SLC71A1: variants seen among roughly 807,000 people sequenced by gnomAD.
SLC71A1 encodes solute carrier family 71 member 1, also known as hippocampus abundant gene transcript 1.
the SLC71A1 span, among the ~76,000 whole-genome samples, chr1:100,080,920 A>G: frequency 6.6e-6 from 1 of 152,174 alleles, no homozygotes; most frequent in Non-Finnish European, 1.5e-5. Context: ...TCTCTTTACT[A>G]CTAGTCTCTT....
chr1:100,038,271 C>T, the SLC71A1 span: 89 of 1,561,316 alleles, frequency 5.7e-5, no homozygotes, highest in Non-Finnish European at 7.4e-5. Flanking sequence ...CCGCGAACCG[C>T]AGTATCATGC....
At chr1:100,043,916 G>T in the SLC71A1 span, among the ~76,000 whole-genome samples, 1 of 152,144 alleles carries the variant, frequency 6.6e-6, no homozygotes. Context: ...GTATTCAATG[G>T]TATATATACA....
the SLC71A1 span, chr1:100,069,691 T>TTTC: frequency 6.3e-7 from 1 of 1,594,392 alleles, no homozygotes; most frequent in Non-Finnish European, 8.6e-7. Flanking sequence ...CACAGGTGAG[T>TTTC]TTCTTTTTTT....
the SLC71A1 span, among the ~76,000 whole-genome samples, chr1:100,038,734 A>C: frequency 6.6e-6 from 1 of 152,168 alleles, no homozygotes; most frequent in Non-Finnish European, 1.5e-5. Flanking sequence ...GGGGCTGGGA[A>C]CCATCCCTGC....
chr1:100,060,762 T>C, the SLC71A1 span, among the ~76,000 whole-genome samples: 104 of 152,010 alleles, frequency 6.8e-4, no homozygotes, highest in African/African-American at 2.4e-3. Flanking sequence ...TTTTTTTTTT[T>C]CCACTCAGGA....
chr1:100,068,677 G>A, the SLC71A1 span: 144 of 813,898 alleles, frequency 1.8e-4, no homozygotes, highest in Non-Finnish European at 2.6e-4. Flanking sequence ...TAATAGAAGT[G>A]GCCTTTAAAA....
At chr1:100,046,934 G>C in the SLC71A1 span, among the ~76,000 whole-genome samples, 2 of 152,146 alleles carry the variant, frequency 1.3e-5, no homozygotes, top group East Asian at 1.9e-4. Context: ...CAGTGAATTT[G>C]CTTCCATTCT....
the SLC71A1 span, among the ~76,000 whole-genome samples, chr1:100,071,827 C>T: frequency 6.6e-6 from 1 of 151,380 alleles, no homozygotes; most frequent in Non-Finnish European, 1.5e-5. Context: ...GCATCTGGCA[C>T]TAGGTTACAA....
the SLC71A1 span, chr1:100,079,122 A>AT: frequency 6.6e-6 from 1 of 152,246 alleles, no homozygotes; most frequent in Non-Finnish European, 1.5e-5. Context: ...TTAACTAAGC[A>AT]TTAAGTTTTT....
At chr1:100,072,901 TG>T in the SLC71A1 span, among the ~76,000 whole-genome samples, 1 of 152,170 alleles carries the variant, frequency 6.6e-6, no homozygotes, top group South Asian at 2.1e-4. Flanking sequence ...GCCCTCTCTG[TG>T]GGGGTGACTC....
the SLC71A1 span, chr1:100,082,447 G>C: frequency 3.9e-6 from 2 of 511,078 alleles, no homozygotes; most frequent in South Asian, 4.6e-5. Context: ...TTGCCACTAA[G>C]CTATTTGTTT....
the SLC71A1 span, among the ~76,000 whole-genome samples, chr1:100,071,076 A>G: frequency 6.6e-6 from 1 of 152,164 alleles, no homozygotes; most frequent in Non-Finnish European, 1.5e-5. Context: ...ATGCATTTAA[A>G]TATTCATTCC....
chr1:100,068,143 G>T, the SLC71A1 span: 5 of 1,613,894 alleles, frequency 3.1e-6, no homozygotes, highest in South Asian at 2.2e-5. Context: ...GAGAAAATGC[G>T]GCCAGCATCC....
chr1:100,042,827 C>G, the SLC71A1 span, among the ~76,000 whole-genome samples: 1 of 152,046 alleles, frequency 6.6e-6, no homozygotes, highest in Non-Finnish European at 1.5e-5. Context: ...CCAGGCTGGT[C>G]TCGAACTCTT....
chr1:100,070,054 C>G, the SLC71A1 span, among the ~76,000 whole-genome samples: 3 of 152,034 alleles, frequency 2.0e-5, 1 homozygote, highest in Non-Finnish European at 1.5e-5. Flanking sequence ...TAAATTCTTG[C>G]TTTTGTAGAG....
At chr1:100,063,774 C>T in the SLC71A1 span, among the ~76,000 whole-genome samples, 2,753 of 152,254 alleles carry the variant, frequency 0.018, 32 homozygotes, top group Non-Finnish European at 0.027. Flanking sequence ...CCAACATGAG[C>T]CACAGAGCGA....
chr1:100,056,013 G>C, the SLC71A1 span, among the ~76,000 whole-genome samples: 3 of 152,132 alleles, frequency 2.0e-5, no homozygotes, highest in African/African-American at 7.2e-5. Flanking sequence ...AGCCTCCCAA[G>C]GTGCTGGGAT....
At chr1:100,066,914 C>T in the SLC71A1 span, among the ~76,000 whole-genome samples, 5 of 129,818 alleles carry the variant, frequency 3.9e-5, no homozygotes, top group East Asian at 7.6e-4. Context: ...GCGTAAACCC[C>T]GGGGGCGGAG....
the SLC71A1 span, among the ~76,000 whole-genome samples, chr1:100,064,910 G>A: frequency 6.6e-6 from 1 of 151,914 alleles, no homozygotes; most frequent in Non-Finnish European, 1.5e-5. Flanking sequence ...TTTTGAGACA[G>A]GGTCTCACTC....
Sources: gnomAD v4.1 joint callset for allele counts (sites outside exome capture counted in the v4.1 genomes callset) on GRCh38, gnomAD v4.1.1 for gene constraint, MANE v1.5 for transcripts, NCBI Gene and HGNC (gene_info 2026-07-23, HGNC 2026-07-21) for gene names.